ADAT1: variants seen among roughly 807,000 people sequenced by gnomAD.
The protein encoded by ADAT1 is adenosine deaminase tRNA specific 1.
In ADAT1, 58 loss-of-function variants were observed where a neutral mutation model predicts 58.6. The observed-to-expected ratio is 0.99, with a 90% CI of 0.80 to 1.23. The LOEUF is 1.23. ADAT1 is among the 50% of genes most tolerant of loss of function. ADAT1 has a pLI of 0.00. For missense variants in ADAT1, 741 were observed against 608.6 expected (o/e 1.22, Z -2.29); for synonymous variants, 254 against 220.8 (o/e 1.15, Z -1.33).
chr16:75,617,356 G>T (rs972006003), intron 4 of ADAT1, 84 bp from the exon 5 acceptor site: 2 of 1,464,566 alleles, frequency 1.4e-6, no homozygotes, highest in East Asian at 2.3e-5. Flanking sequence ...TACTAAGACA[G>T]CTTACTGTAG....
Position 75,598,301 on chromosome 16 carries a change from C to T in ADAT1, c.*1915G>A, listed in dbSNP as rs1597077464. On this transcript the variant is annotated 3_prime_UTR_variant, in exon 10 of 10. Transcript: ENST00000564657. ...ATGTTGGCCAGGATGGTCTTGATCT[C>T]CTGACGTCGTGATCTGCCCACCTCG... is the stretch of plus-strand genomic sequence containing the variant. 1 of 311,284 alleles carries T rather than the reference C, an allele frequency of 3.2e-6. No homozygotes were observed. The highest frequency in any genetic ancestry group is 1.4e-4 in the East Asian group (1 of 6,936). The allele number at this position is 311,284 out of a possible 1,614,324, so 19.3% of individuals were successfully genotyped here. A position where few individuals can be genotyped will look rare whatever the true frequency, so the allele number is the denominator to read the frequency against.
At chr16:75,613,600 C>G (rs933344125) in intron 5 of ADAT1, among the ~76,000 whole-genome samples, 1 of 152,130 alleles carries the variant, frequency 6.6e-6, no homozygotes, top group Non-Finnish European at 1.5e-5. Context: ...TGTGAGCCAG[C>G]GTGCCCGGCC....
intron 9 of ADAT1, among the ~76,000 whole-genome samples, chr16:75,602,332 C>G (rs1156576538): frequency 6.6e-6 from 1 of 152,214 alleles, no homozygotes; most frequent in Non-Finnish European, 1.5e-5. Flanking sequence ...GACATGGAAG[C>G]TCTGCCTTTG....
At chr16:75,606,678 C>G (rs1330488699) in intron 8 of ADAT1, among the ~76,000 whole-genome samples, 2 of 152,214 alleles carry the variant, frequency 1.3e-5, no homozygotes, top group African/African-American at 2.4e-5. Context: ...CCATAATGGA[C>G]TGCAATTTCA....
Position 75,622,667 on chromosome 16 carries a change from A to T in ADAT1, c.-286T>A, listed in dbSNP as rs535204643. On this transcript the variant is annotated 5_prime_UTR_variant, in exon 1 of 10. Transcript: ENST00000564657. ...TGGGTCCATTATAATTCGAGCCTAC[A>T]CCCCCTCCTAGATCTTGAAAACTTG... The T allele has an allele frequency of 2.4e-4, 36 of 152,272 alleles. 1 individual carries two copies. Among genetic ancestry groups the T allele is most frequent in the African/African-American group, 8.7e-4 (36 of 41,524 alleles). 9.4% of individuals were successfully genotyped at this position (152,272 alleles called of 1,614,324 possible). A position where few individuals can be genotyped will look rare whatever the true frequency, so the allele number is the denominator to read the frequency against.
chr16:75,611,275 G>A (rs879557386), intron 6 of ADAT1, among the ~76,000 whole-genome samples: 3 of 151,960 alleles, frequency 2.0e-5, no homozygotes, highest in Non-Finnish European at 4.4e-5. Context: ...ATACCTTAGC[G>A]CTCATCCTCT....
chr16:75,612,545 G>T lies in ADAT1; in HGVS notation c.741C>A (p.Ala247=). 2 of 1,614,052 alleles carry T rather than the reference G, an allele frequency of 1.2e-6. No individual in the cohort carries two copies. The highest frequency in any genetic ancestry group is 1.7e-6 in the Non-Finnish European group (2 of 1,180,008). The change falls in exon 6 of 10, where the codon GCC becomes GCA. Residue 247 remains alanine (A), a synonymous_variant. Coordinates refer to ENST00000564657, the MANE Select transcript of ADAT1 (RefSeq NM_001324445.2). ...CGTCTATCACTTTGGCACTACCAGG[G>T]GCTATTCTGGTGACAGTAGCCAGTC... ...VEGLATVTRI[A]PGSAKVIDVY... is the part of the protein sequence containing the mutation.
In ADAT1 at chr16:75,599,877, A is replaced by AT. The variant is rs1425214979; in HGVS notation, c.*338dup. ...GTCAAACATCATTTCAGCTCAATAAATATTTGCTGAATCAATGTAGGAACC... is the reference window on the plus strand; with the variant it reads ...GTCAAACATCATTTCAGCTCAATAAATTATTTGCTGAATCAATGTAGGAACC... On this transcript the variant is annotated 3_prime_UTR_variant, in exon 10 of 10. Transcript: ENST00000564657. 3.9e-6 allele frequency: 4 copies of AT among 1,026,766 alleles called. No homozygotes were observed. Among genetic ancestry groups the AT allele is most frequent in the Non-Finnish European group, 4.7e-6 (4 of 856,620 alleles). The allele number at this position is 1,026,766 out of a possible 1,614,324, so 63.6% of individuals were successfully genotyped here.
At chr16:75,618,722 C>A in intron 3 of ADAT1, 82 bp from the exon 4 acceptor site, 1 of 1,520,428 alleles carries the variant, frequency 6.6e-7, no homozygotes, top group Non-Finnish European at 8.9e-7. Context: ...ACAGCAGTCC[C>A]ACCAGCACCC....
chr16:75,610,746 G>C (rs1009616878), intron 6 of ADAT1, among the ~76,000 whole-genome samples: 4 of 152,164 alleles, frequency 2.6e-5, no homozygotes, highest in Non-Finnish European at 5.9e-5. Context: ...ATAGCACTGA[G>C]TTTGGCTGCC....
Position 75,618,534 on chromosome 16 carries a change from CG to C in ADAT1, c.293+51del, listed in dbSNP as rs1331803519. The C allele has an allele frequency of 2.3e-6, 3 of 1,315,474 alleles. No individual in the cohort carries two copies. In the African/African-American group the frequency reaches 4.5e-5, roughly 20 times the overall value. 81.5% of individuals were successfully genotyped at this position (1,315,474 alleles called of 1,614,324 possible). On this transcript the variant is annotated intron_variant, in intron 4 of 9. Transcript: ENST00000564657. ...CAAAAAAAAAAAAAAAAGTAAATTCCGGGACTCCCACCCCAGTCCTGCTGAA... is the reference window on the plus strand; with the variant it reads ...CAAAAAAAAAAAAAAAAGTAAATTCCGGACTCCCACCCCAGTCCTGCTGAA...
At chr16:75,606,260 C>T (rs1021646773) in intron 8 of ADAT1, among the ~76,000 whole-genome samples, 6 of 152,090 alleles carry the variant, frequency 3.9e-5, no homozygotes, top group African/African-American at 7.2e-5. Flanking sequence ...AACCAGAAAA[C>T]GGGATAAAAA....
rs2081088628 is a variant in ADAT1, at chr16:75,597,124, CA to C, written c.*3091del. 1 of 201,526 alleles carries C rather than the reference CA, an allele frequency of 5.0e-6. No homozygotes were observed. The highest frequency in any genetic ancestry group is 1.0e-5 in the Non-Finnish European group (1 of 96,034). The allele number at this position is 201,526 out of a possible 1,614,324, so 12.5% of individuals were successfully genotyped here. A position where few individuals can be genotyped will look rare whatever the true frequency, so the allele number is the denominator to read the frequency against. On this transcript the variant is annotated 3_prime_UTR_variant, in exon 10 of 10. Coordinates refer to ENST00000564657, the MANE Select transcript of ADAT1 (RefSeq NM_001324445.2). ...CTGCAATGGGTTGAGTGGTGTCCCCCAAAACTTCATGTCTACCTGAAACCTC... is the reference window on the plus strand; with the variant it reads ...CTGCAATGGGTTGAGTGGTGTCCCCCAAACTTCATGTCTACCTGAAACCTC...
In ADAT1 at chr16:75,599,274, G is replaced by T. The variant is rs1427202326; in HGVS notation, c.*942C>A. 1.2e-6 allele frequency: 1 copy of T among 849,270 alleles called. No individual in the cohort carries two copies. The highest frequency in any genetic ancestry group is 1.4e-6 in the Non-Finnish European group (1 of 706,188). The allele number at this position is 849,270 out of a possible 1,614,324, so 52.6% of individuals were successfully genotyped here. A position where few individuals can be genotyped will look rare whatever the true frequency, so the allele number is the denominator to read the frequency against. On this transcript the variant is annotated 3_prime_UTR_variant, in exon 10 of 10. Transcript: ENST00000564657. The stretch of plus-strand genomic sequence containing the variant: ...TTTTTGCATTTTTAGTAGAGACAGG[G>T]TTTCACCAGGTTGGCCAGGCTGGTC...
chr16:75,607,055 G>A (rs1007276952), intron 8 of ADAT1, among the ~76,000 whole-genome samples: 12 of 150,640 alleles, frequency 8.0e-5, no homozygotes, highest in South Asian at 4.2e-4. Context: ...GTGAAACCCC[G>A]TCTCTACTAA....
At chr16:75,620,969 C>T (rs2081915945) in intron 1 of ADAT1, 149 bp from the exon 2 acceptor site, 1 of 572,094 alleles carries the variant, frequency 1.7e-6, no homozygotes, top group Non-Finnish European at 2.9e-6. Flanking sequence ...CTTCTACTAT[C>T]TCCCTGCCCC....
At chr16:75,604,472 TATAC>T (rs1253084751) in intron 8 of ADAT1, among the ~76,000 whole-genome samples, 6 of 54,336 alleles carry the variant, frequency 1.1e-4, no homozygotes, top group Non-Finnish European at 1.8e-4. Context: ...TATATATATA[TATAC>T]ACACACACAC....
intron 6 of ADAT1, among the ~76,000 whole-genome samples, chr16:75,609,525 T>C (rs907984286): frequency 2.0e-5 from 3 of 152,158 alleles, no homozygotes; most frequent in Admixed American, 6.6e-5. Context: ...AAAACCAACA[T>C]CTTTATAGGG....
At chr16:75,618,210 G>T (rs2081802883) in intron 4 of ADAT1, among the ~76,000 whole-genome samples, 1 of 150,650 alleles carries the variant, frequency 6.6e-6, no homozygotes, top group Non-Finnish European at 1.5e-5. Context: ...GAGCTTATTA[G>T]AAATGTAAAT....
Sources: gnomAD v4.1 joint callset for allele counts (sites outside exome capture counted in the v4.1 genomes callset) on GRCh38, gnomAD v4.1.1 for gene constraint, MANE v1.5 for transcripts, NCBI Gene and HGNC (gene_info 2026-07-23, HGNC 2026-07-21) for gene names.